The following PPP3CC variants were observed in gnomAD, a reference collection of about 807,000 sequenced individuals.
The protein encoded by PPP3CC is serine/threonine-protein phosphatase 2B catalytic subunit gamma isoform.
A neutral mutation model predicts 60.3 loss-of-function variants in PPP3CC; 35 were observed. The observed-to-expected ratio is 0.58, with a 90% confidence interval of 0.44 to 0.77. PPP3CC has a LOEUF of 0.77. PPP3CC is among the 30% of genes least tolerant of loss of function. The pLI is 0.00. For missense variants in PPP3CC, 570 were observed against 628.9 expected (o/e 0.91, Z 1.00); for synonymous variants, 206 against 224.3 (o/e 0.92, Z 0.73).
intron 1 of PPP3CC, among the ~76,000 whole-genome samples, chr8:22,444,811 C>G (rs776425742): frequency 1.3e-5 from 2 of 152,186 alleles, no homozygotes; most frequent in Non-Finnish European, 2.9e-5. Context: ...AGCCAGAGAA[C>G]TAGGCACCCA....
At chr8:22,453,382 G>T (rs192919600) in intron 1 of PPP3CC, among the ~76,000 whole-genome samples, 1 of 152,272 alleles carries the variant, frequency 6.6e-6, no homozygotes, top group East Asian at 1.9e-4. Flanking sequence ...TCTGACAAAT[G>T]CATCCTTAGG....
intron 3 of PPP3CC, 127 bp downstream of exon 3, chr8:22,475,751 T>A: frequency 1.1e-6 from 1 of 933,452 alleles, no homozygotes; most frequent in Non-Finnish European, 1.5e-6. Flanking sequence ...ACTTTCAAAA[T>A]TAAAGTAGTA....
intron 3 of PPP3CC, among the ~76,000 whole-genome samples, chr8:22,487,266 A>C: frequency 6.6e-6 from 1 of 152,286 alleles, no homozygotes; most frequent in South Asian, 2.1e-4. Context: ...GCCGCTGATA[A>C]AACAAAATAG....
chr8:22,528,909 C>T (rs1839630901), intron 10 of PPP3CC, among the ~76,000 whole-genome samples: 1 of 152,148 alleles, frequency 6.6e-6, no homozygotes, highest in African/African-American at 2.4e-5. Context: ...CCATGTTGAT[C>T]AGTGTTGTAA....
At chr8:22,469,177 T>G (rs111498096) in intron 1 of PPP3CC, among the ~76,000 whole-genome samples, 1 of 152,158 alleles carries the variant, frequency 6.6e-6, no homozygotes, top group Non-Finnish European at 1.5e-5. Context: ...CAAAATAATG[T>G]CACTTACAGC....
intron 6 of PPP3CC, among the ~76,000 whole-genome samples, chr8:22,519,319 T>A (rs1464084051): frequency 1.3e-5 from 2 of 152,244 alleles, no homozygotes; most frequent in African/African-American, 4.8e-5. Context: ...TGGGTCTTGT[T>A]TTCATCCATT....
chr8:22,506,991 C>T (rs932979564), intron 4 of PPP3CC, among the ~76,000 whole-genome samples: 15 of 151,714 alleles, frequency 9.9e-5, no homozygotes, highest in African/African-American at 2.4e-4. Context: ...CTATGTCTCA[C>T]GCCTGTAATC....
At chr8:22,525,979 C>T (rs969624800) in intron 8 of PPP3CC, among the ~76,000 whole-genome samples, 1 of 151,290 alleles carries the variant, frequency 6.6e-6, no homozygotes, top group Non-Finnish European at 1.5e-5. Context: ...GCAATTCTCC[C>T]GCCTCAGCCT....
Position 22,441,452 on chromosome 8 carries a change from A to G in PPP3CC, c.43A>G (p.Ile15Val), listed in dbSNP as rs1563656012. 6.5e-7 allele frequency: 1 copy of G among 1,545,732 alleles called. No individual in the cohort carries two copies. Among genetic ancestry groups the G allele is most frequent in the Admixed American group, 2.0e-5 (1 of 50,628 alleles). ...RFHLSTTDRVIKAVPFPPTQR... is the reference protein window; with the variant it reads ...RFHLSTTDRVVKAVPFPPTQR... ...CCACCTCTCCACCACCGACCGCGTC[A>G]TCAAAGGTGCCTGGCGGGCCGGGCC... Residue 15 changes from isoleucine to valine, a missense_variant, in exon 1 of 14, where the codon ATC (isoleucine) becomes GTC (valine). Ile to Val is a conservative substitution (Grantham distance 29). Transcript: ENST00000240139.
At chr8:22,480,364 G>A (rs1452483449) in intron 3 of PPP3CC, among the ~76,000 whole-genome samples, 1 of 151,940 alleles carries the variant, frequency 6.6e-6, no homozygotes, top group Non-Finnish European at 1.5e-5. Flanking sequence ...CCATTTAACA[G>A]TTTCTTATAT....
chr8:22,511,312 CAG>C, intron 5 of PPP3CC, 81 bp downstream of exon 5: 2 of 1,414,964 alleles, frequency 1.4e-6, no homozygotes, highest in Middle Eastern at 2.3e-4. Flanking sequence ...TGCTTTGAGA[CAG>C]AGTCTCTCTC....
At chr8:22,477,000 G>T (rs1004914947) in intron 3 of PPP3CC, among the ~76,000 whole-genome samples, 2 of 151,758 alleles carry the variant, frequency 1.3e-5, no homozygotes, top group Non-Finnish European at 2.9e-5. Flanking sequence ...CAAATGTGAG[G>T]ACAAAAGTTA....
intron 4 of PPP3CC, among the ~76,000 whole-genome samples, chr8:22,501,158 T>TCAA (rs567497190): frequency 2.1e-3 from 313 of 151,912 alleles, no homozygotes; most frequent in South Asian, 3.3e-3. Context: ...AGACCCTGTC[T>TCAA]CAACAACAAC....
At chr8:22,445,413 A>G (rs1194870793) in intron 1 of PPP3CC, among the ~76,000 whole-genome samples, 8 of 152,214 alleles carry the variant, frequency 5.3e-5, no homozygotes, top group Admixed American at 5.2e-4. Context: ...TGCTACTTAT[A>G]CAATTTGAAA....
chr8:22,477,658 T>C (rs1302210664), intron 3 of PPP3CC, among the ~76,000 whole-genome samples: 1 of 152,038 alleles, frequency 6.6e-6, no homozygotes, highest in Admixed American at 6.6e-5. Flanking sequence ...GATGGGGTCC[T>C]GCCATGTTGC....
intron 1 of PPP3CC, among the ~76,000 whole-genome samples, chr8:22,452,887 C>T (rs1440898154): frequency 2.0e-5 from 3 of 152,232 alleles, no homozygotes; most frequent in African/African-American, 7.2e-5. Flanking sequence ...TTGCAAATCG[C>T]TTTAAATATT....
intron 3 of PPP3CC, among the ~76,000 whole-genome samples, chr8:22,478,038 G>A (rs993630892): frequency 1.1e-4 from 17 of 152,174 alleles, no homozygotes; most frequent in Admixed American, 4.6e-4. Context: ...TTTTAGTAGA[G>A]ACGGGGTTTC....
chr8:22,506,926 A>AT (rs1838940662), intron 4 of PPP3CC, among the ~76,000 whole-genome samples: 1 of 150,594 alleles, frequency 6.6e-6, no homozygotes, highest in Admixed American at 6.6e-5. Flanking sequence ...TCTCAAATAA[A>AT]TAAATTAATT....
intron 1 of PPP3CC, 68 bp downstream of exon 1, chr8:22,441,526 G>A (rs1563656194): frequency 7.6e-6 from 11 of 1,449,488 alleles, no homozygotes; most frequent in Non-Finnish European, 5.5e-6. Context: ...GGCGGCTCGG[G>A]GCGGAGGGAG....
Sources: allele counts gnomAD v4.1 joint callset (sites outside exome capture counted in the v4.1 genomes callset), GRCh38; gene constraint gnomAD v4.1.1; transcripts MANE v1.5; gene names NCBI Gene and HGNC (gene_info 2026-07-23, HGNC 2026-07-21).